The following FGF14 variants were observed in gnomAD, a reference collection of about 807,000 sequenced individuals.
The protein encoded by FGF14 is fibroblast growth factor homologous factor 4.
FGF14 carries 5 observed loss-of-function variants against 25.5 expected under a neutral mutation model. That is an observed-to-expected ratio of 0.20 (90% CI 0.10 to 0.41). The LOEUF (loss-of-function observed/expected upper bound fraction) is 0.41, where lower values mean the gene tolerates loss of function less well. FGF14 is among the 10% of genes least tolerant of loss of function. FGF14 has a pLI of 1.00. For missense variants in FGF14, 222 were observed against 320.1 expected (o/e 0.69, Z 2.34); for synonymous variants, 138 against 118.3 (o/e 1.17, Z -1.08).
intron 3 of FGF14, among the ~76,000 whole-genome samples, chr13:101,768,891 G>A (rs2038576961): frequency 6.6e-6 from 1 of 152,090 alleles, no homozygotes; most frequent in Non-Finnish European, 1.5e-5. Flanking sequence ...AGAAAATCTA[G>A]ATGAACTTAG....
intron 1 of FGF14, among the ~76,000 whole-genome samples, chr13:101,912,438 T>C (rs2139087901): frequency 6.6e-6 from 1 of 152,302 alleles, no homozygotes; most frequent in South Asian, 2.1e-4. Context: ...TCTTGTTTGA[T>C]TGAAAAATTC....
At chr13:101,987,708 A>G (rs977313769) in intron 1 of FGF14, among the ~76,000 whole-genome samples, 3 of 152,110 alleles carry the variant, frequency 2.0e-5, no homozygotes, top group African/African-American at 4.8e-5. Context: ...TGGGCATCCT[A>G]TGAAGAATGA....
intron 1 of FGF14, among the ~76,000 whole-genome samples, chr13:101,994,564 A>C (rs1014996690): frequency 6.6e-6 from 1 of 151,960 alleles, no homozygotes; most frequent in Non-Finnish European, 1.5e-5. Context: ...TGTCATCGAG[A>C]CTACCAAATC....
In FGF14 at chr13:101,980,469, A is replaced by G. The variant is rs79708882; in HGVS notation, c.209-105173T>C. ...TCTACTGTAAATGATAAAAATGATA[A>G]TATTTAAACTAGAGCATTATAATAA... On this transcript the variant is annotated intron_variant, in intron 1 of 4. Transcript: ENST00000376131. Among the ~76,000 whole-genome samples, 453 of 152,330 alleles carry G rather than the reference A, an allele frequency of 3.0e-3. 21 individuals are homozygous for G. The East Asian group carries it at 0.08, about 27-fold the overall frequency.
chr13:101,962,422 C>G (rs1025301253), intron 1 of FGF14, among the ~76,000 whole-genome samples: 1 of 151,970 alleles, frequency 6.6e-6, no homozygotes, highest in African/African-American at 2.4e-5. Flanking sequence ...TCCTGTCTCT[C>G]TTTTCTTAAT....
intron 3 of FGF14, among the ~76,000 whole-genome samples, chr13:101,866,245 A>T (rs1052243693): frequency 6.6e-6 from 1 of 152,136 alleles, no homozygotes; most frequent in South Asian, 2.1e-4. Context: ...ACAATTCCCT[A>T]AAAGTTTTTC....
chr13:101,739,579 A>G (rs990312947), intron 3 of FGF14, among the ~76,000 whole-genome samples: 3 of 152,146 alleles, frequency 2.0e-5, no homozygotes, highest in Admixed American at 2.0e-4. Context: ...ATATTCCTGG[A>G]AAGGGTGATA....
At chr13:102,237,164 G>C (rs2051365375) in intron 1 of FGF14, among the ~76,000 whole-genome samples, 1 of 152,218 alleles carries the variant, frequency 6.6e-6, no homozygotes, top group Non-Finnish European at 1.5e-5. Flanking sequence ...CTTTCTGATA[G>C]AGCGTTATCT....
At chr13:102,042,091 T>G (rs1159297274) in intron 1 of FGF14, among the ~76,000 whole-genome samples, 2 of 152,210 alleles carry the variant, frequency 1.3e-5, no homozygotes, top group African/African-American at 4.8e-5. Flanking sequence ...ATGCCTAAAT[T>G]CTTTTGTAAA....
At chr13:101,964,125 T>C (rs1456133527) in intron 1 of FGF14, among the ~76,000 whole-genome samples, 1 of 152,226 alleles carries the variant, frequency 6.6e-6, no homozygotes, top group Non-Finnish European at 1.5e-5. Flanking sequence ...TGTTTGGCTT[T>C]TGACATTTAT....
chr13:102,005,053 T>C (rs1013645631), intron 1 of FGF14, among the ~76,000 whole-genome samples: 8 of 152,196 alleles, frequency 5.3e-5, no homozygotes, highest in Admixed American at 2.6e-4. Context: ...GAGGCATCAA[T>C]TCCTTTCCAA....
At chr13:102,049,318 T>A (rs1276137368) in intron 1 of FGF14, among the ~76,000 whole-genome samples, 1 of 152,142 alleles carries the variant, frequency 6.6e-6, no homozygotes, top group Non-Finnish European at 1.5e-5. Flanking sequence ...CAAAAATAAA[T>A]CTGAAAATCA....
At chr13:101,985,315 A>G (rs940566054) in intron 1 of FGF14, among the ~76,000 whole-genome samples, 1 of 152,064 alleles carries the variant, frequency 6.6e-6, no homozygotes, top group Non-Finnish European at 1.5e-5. Flanking sequence ...TGTGATTTCT[A>G]TTTAGAAAAA....
At chr13:102,203,300 T>C (rs1315335636) in intron 1 of FGF14, among the ~76,000 whole-genome samples, 2 of 152,216 alleles carry the variant, frequency 1.3e-5, no homozygotes, top group South Asian at 2.1e-4. Flanking sequence ...TGTAAATACA[T>C]AGTCATAAAT....
At chr13:102,203,869 T>C (rs2140892443) in intron 1 of FGF14, among the ~76,000 whole-genome samples, 1 of 152,338 alleles carries the variant, frequency 6.6e-6, no homozygotes, top group Non-Finnish European at 1.5e-5. Flanking sequence ...GACTGTATGA[T>C]TGGAAACAAC....
At chr13:102,399,442 T>C (rs890118676) in intron 1 of FGF14, among the ~76,000 whole-genome samples, 6 of 152,222 alleles carry the variant, frequency 3.9e-5, no homozygotes, top group Admixed American at 3.3e-4. Context: ...ATTTTTGCAG[T>C]GTAAAGCAGT....
At chr13:102,253,433 T>G (rs1435068364) in intron 1 of FGF14, among the ~76,000 whole-genome samples, 1 of 152,234 alleles carries the variant, frequency 6.6e-6, no homozygotes, top group Non-Finnish European at 1.5e-5. Flanking sequence ...ATGATGAGCT[T>G]TTTTTCATAT....
At chr13:101,855,849 A>G (rs2044099146) in intron 3 of FGF14, among the ~76,000 whole-genome samples, 1 of 151,160 alleles carries the variant, frequency 6.6e-6, no homozygotes, top group South Asian at 2.1e-4. Context: ...TTGTTATTGC[A>G]TGGATGATGC....
chr13:101,875,364 TTCTC>T (rs1194231264), intron 1 of FGF14, 68 bp from the exon 2 acceptor site: 2 of 1,090,728 alleles, frequency 1.8e-6, no homozygotes, highest in African/African-American at 1.5e-5. Context: ...TCTTTTCTGT[TTCTC>T]TTTCTTTTTT....
Sources: allele counts gnomAD v4.1 joint callset (sites outside exome capture counted in the v4.1 genomes callset), GRCh38; gene constraint gnomAD v4.1.1; transcripts MANE v1.5; gene names NCBI Gene and HGNC (gene_info 2026-07-23, HGNC 2026-07-21).